Variants in DSCAML1 observed in about 807,000 individuals in gnomAD.
DSCAML1 encodes the protein cell adhesion molecule DSCAML1.
In DSCAML1, 38 loss-of-function variants were observed where a neutral mutation model predicts 200.5. The ratio of observed to expected loss-of-function variants is 0.19; its 90% CI spans 0.15 to 0.25. DSCAML1 has a LOEUF of 0.25. Ranked by LOEUF, DSCAML1 falls within the 10% of genes least tolerant of loss-of-function variation. DSCAML1 has a pLI of 1.00. For synonymous variants in DSCAML1, 1,215 were observed against 1,165.0 expected (o/e 1.04, Z -0.87); for missense variants, 2,223 against 2,858.8 (o/e 0.78, Z 5.07).
rs571936692 is a variant in DSCAML1 at position 117,518,494 on chromosome 11, A to G, written c.1482T>C (p.Ala494=). 5.3e-5 allele frequency: 86 copies of G among 1,614,208 alleles called. 1 individual carries two copies. The South Asian group carries it at 8.2e-4, about 15-fold the overall frequency. Reference sequence around the variant, plus strand: ...TTACGTTTATTCGCGCCTGATATTCAGCACTGCCCACCAAGTTCCGCGCTG... The same window carrying G: ...TTACGTTTATTCGCGCCTGATATTCGGCACTGCCCACCAAGTTCCGCGCTG... The part of the protein sequence containing the change: ...RCTARNLVGS[A]EYQARINVRG... The change falls in exon 7 of 33, where the codon GCT becomes GCC. Residue 494 remains alanine (A), a synonymous_variant. Transcript: ENST00000651296. The surrounding 1 kb of genome is among the most constrained non-coding windows in gnomAD (Gnocchi z 6.3).
intron 3 of DSCAML1, among the ~76,000 whole-genome samples, chr11:117,721,363 T>C (rs2054037958): frequency 6.6e-6 from 1 of 152,160 alleles, no homozygotes; most frequent in Admixed American, 6.5e-5. Context: ...ACCCTGTTCA[T>C]ATGTCACTCT....
chr11:117,762,553 G>C (rs1253992037), intron 3 of DSCAML1, among the ~76,000 whole-genome samples: 3 of 152,166 alleles, frequency 2.0e-5, no homozygotes, highest in East Asian at 1.9e-4. Context: ...ATGGAATCAT[G>C]ATGAGAATCA....
chr11:117,564,575 G>A (rs2050720787), intron 3 of DSCAML1, among the ~76,000 whole-genome samples: 1 of 152,070 alleles, frequency 6.6e-6, no homozygotes, highest in South Asian at 2.1e-4. Flanking sequence ...CTGCTGGGAG[G>A]CTCTGCCTGG....
intron 4 of DSCAML1, among the ~76,000 whole-genome samples, chr11:117,529,612 A>C (rs915883365): frequency 6.6e-6 from 1 of 152,078 alleles, no homozygotes; most frequent in East Asian, 1.9e-4. Context: ...CTGAGTGCTG[A>C]AGAGACCACA....
At chr11:117,548,289 G>C (rs1762768437) in intron 3 of DSCAML1, among the ~76,000 whole-genome samples, 1 of 152,220 alleles carries the variant, frequency 6.6e-6, no homozygotes, top group African/African-American at 2.4e-5. Flanking sequence ...GGAAGCTGAG[G>C]ATCAGAGAGG....
At chr11:117,736,797 C>T (rs561982633) in intron 3 of DSCAML1, among the ~76,000 whole-genome samples, 21 of 152,328 alleles carry the variant, frequency 1.4e-4, no homozygotes, top group East Asian at 7.7e-4. Flanking sequence ...GGCAATAACA[C>T]GGAAGACATC....
At chr11:117,644,847 T>G (rs1015629011) in intron 3 of DSCAML1, among the ~76,000 whole-genome samples, 1 of 152,216 alleles carries the variant, frequency 6.6e-6, no homozygotes, top group Non-Finnish European at 1.5e-5. Flanking sequence ...TCAGCAGGGC[T>G]GGCTGGCCAA....
intron 3 of DSCAML1, among the ~76,000 whole-genome samples, chr11:117,669,609 A>G (rs974564736): frequency 5.9e-5 from 9 of 152,260 alleles, no homozygotes; most frequent in Admixed American, 5.9e-4. Context: ...ATTAAAAACA[A>G]CAAAGATGGG....
rs1438366856 is a variant in DSCAML1, at chr11:117,781,322, GAA to G, written c.47-514_47-513del. On this transcript the variant is annotated intron_variant, in intron 1 of 32. Coordinates refer to ENST00000651296, the MANE Select transcript of DSCAML1 (RefSeq NM_020693.4). ...AAAAAAAAAGAAAGAAAGAAAAAAA[GAA>G]AAGAGAAAAAAAGAAAATCCCAGGA... is the stretch of plus-strand genomic sequence containing the variant. Among the ~76,000 whole-genome samples, 117 of 150,792 alleles carry G rather than the reference GAA, an allele frequency of 7.8e-4. 1 individual carries two copies. Among genetic ancestry groups the G allele is most frequent in the African/African-American group, 2.5e-3 (102 of 41,080 alleles).
chr11:117,488,202 C>T (rs2049115355), intron 11 of DSCAML1, among the ~76,000 whole-genome samples: 1 of 152,216 alleles, frequency 6.6e-6, no homozygotes, highest in Non-Finnish European at 1.5e-5. Context: ...CTCCAAGGAC[C>T]ACGGTGTCCT....
At chr11:117,744,422 G>T (rs2054478867) in intron 3 of DSCAML1, among the ~76,000 whole-genome samples, 1 of 152,218 alleles carries the variant, frequency 6.6e-6, no homozygotes, top group South Asian at 2.1e-4. Context: ...TTGCTAACAA[G>T]CCCCAGTTGA....
intron 8 of DSCAML1, among the ~76,000 whole-genome samples, chr11:117,514,062 G>A (rs2049704979): frequency 6.6e-6 from 1 of 152,238 alleles, no homozygotes; most frequent in East Asian, 1.9e-4. Context: ...CCCTCTTGCT[G>A]CCGATAGTGT....
intron 3 of DSCAML1, among the ~76,000 whole-genome samples, chr11:117,704,236 G>A (rs1211080504): frequency 6.6e-6 from 1 of 151,908 alleles, no homozygotes; most frequent in East Asian, 1.9e-4. Flanking sequence ...AAATCCCCCT[G>A]CCACCACCCA....
chr11:117,755,402 A>C (rs1321042330), intron 3 of DSCAML1, among the ~76,000 whole-genome samples: 1 of 152,106 alleles, frequency 6.6e-6, no homozygotes, highest in Non-Finnish European at 1.5e-5. Flanking sequence ...AACGCTTGTG[A>C]AATAATTTTC....
At position 117,780,858 on chromosome 11, in the gene DSCAML1, A is replaced by G; in HGVS notation, c.47-48T>C. The G allele has an allele frequency of 7.3e-7, 1 of 1,371,656 alleles. No individual in the cohort carries two copies. The highest frequency in any genetic ancestry group is 3.5e-5 in the Admixed American group (1 of 28,322). 85.0% of individuals were successfully genotyped at this position (1,371,656 alleles called of 1,614,324 possible). The stretch of plus-strand genomic sequence containing the variant: ...GACTTGGTTAGCATGGGCTCTAACA[A>G]TACCCATATAAGCCACGGAGGCTTG... On this transcript the variant is annotated intron_variant, in intron 1 of 32. Coordinates refer to ENST00000651296, the MANE Select transcript of DSCAML1 (RefSeq NM_020693.4). The surrounding 1 kb of genome is among the most constrained non-coding windows in gnomAD (Gnocchi z 4.8).
At chr11:117,714,917 C>T (rs1285841540) in intron 3 of DSCAML1, among the ~76,000 whole-genome samples, 2 of 151,938 alleles carry the variant, frequency 1.3e-5, no homozygotes, top group Admixed American at 6.6e-5. Context: ...AGGCCCCAGC[C>T]GTCCAAGTGT....
intron 3 of DSCAML1, among the ~76,000 whole-genome samples, chr11:117,718,233 C>A (rs2053985883): frequency 6.6e-6 from 1 of 152,192 alleles, no homozygotes. Flanking sequence ...CCATCCCCCA[C>A]CCCCCTTCCC....
At chr11:117,662,621 G>T (rs895171260) in intron 3 of DSCAML1, among the ~76,000 whole-genome samples, 2 of 152,210 alleles carry the variant, frequency 1.3e-5, no homozygotes, top group African/African-American at 2.4e-5. Flanking sequence ...GCACATAGTA[G>T]GTGCTTAGTC....
At chr11:117,643,710 C>T (rs948164557) in intron 3 of DSCAML1, among the ~76,000 whole-genome samples, 1 of 152,060 alleles carries the variant, frequency 6.6e-6, no homozygotes, top group Non-Finnish European at 1.5e-5. Flanking sequence ...CCCTCACTCC[C>T]CAGAAACAAT....
Sources: gnomAD v4.1 joint callset for allele counts (sites outside exome capture counted in the v4.1 genomes callset) on GRCh38, gnomAD v4.1.1 for gene constraint, Gnocchi (gnomAD v3.1) non-coding constraint, MANE v1.5 for transcripts, NCBI Gene and HGNC (gene_info 2026-07-23, HGNC 2026-07-21) for gene names.